CDS1: variants seen among roughly 807,000 people sequenced by gnomAD.
The protein encoded by CDS1 is phosphatidate cytidylyltransferase 1.
CDS1 carries 41 observed loss-of-function variants against 62.1 expected under a neutral mutation model. The observed-to-expected ratio is 0.66, with a 90% CI of 0.51 to 0.86. The LOEUF is 0.86. CDS1 is among the 40% of genes least tolerant of loss of function. The pLI is 0.00. For missense variants in CDS1, 470 were observed against 550.1 expected, an observed-to-expected ratio of 0.85 and a Z score of 1.46; for synonymous variants, 185 against 192.6, an observed-to-expected ratio of 0.96 and a Z score of 0.32.
chr4:84,645,657 A>T (rs1171780553), intron 12 of CDS1, among the ~76,000 whole-genome samples: 1 of 152,154 alleles, frequency 6.6e-6, no homozygotes, highest in East Asian at 1.9e-4. Context: ...TTAAAAAGGG[A>T]GATAACGAAA....
At position 84,592,737 on chromosome 4, in the gene CDS1, G is replaced by A. The variant is rs144071570; in HGVS notation, c.117+9219G>A. Among the ~76,000 whole-genome samples, 1,086 of 152,298 alleles carry A rather than the reference G, an allele frequency of 7.1e-3. 15 individuals carry two copies. The highest frequency in any genetic ancestry group is 0.024 in the African/African-American group (977 of 41,558). On this transcript the variant is annotated intron_variant, in intron 1 of 12. Coordinates refer to ENST00000295887, the MANE Select transcript of CDS1 (RefSeq NM_001263.4). ...ATAGCTGCTTTTTGCAAACAACGCA[G>A]CTAAGAAAGCAGTGTTGCTTTTCTG... is the stretch of plus-strand genomic sequence containing the variant.
rs1722997229 is a variant in CDS1, at chr4:84,603,447, G to A, written c.118-796G>A. Among the ~76,000 whole-genome samples the A allele has an allele frequency of 3.3e-5, 5 of 152,174 alleles. No individual in the cohort carries two copies. The South Asian group carries it at 1.0e-3, about 32-fold the overall frequency. ...AAAGGGTAGGGCCTGAGGCGGGAGA[G>A]GTTGTAGAAGAGGAAAGAACATGGC... On this transcript the variant is annotated intron_variant, in intron 1 of 12. Transcript: ENST00000295887.
chr4:84,642,611 C>T (rs1412165474), intron 10 of CDS1, among the ~76,000 whole-genome samples: 1 of 151,808 alleles, frequency 6.6e-6, no homozygotes, highest in African/African-American at 2.4e-5. Flanking sequence ...CCAACTTTTC[C>T]CTTATTTTAT....
intron 10 of CDS1, among the ~76,000 whole-genome samples, chr4:84,641,590 G>A (rs746223148): frequency 7.9e-5 from 12 of 152,154 alleles, no homozygotes; most frequent in Non-Finnish European, 1.5e-4. Flanking sequence ...CCAGTTTACC[G>A]AGTCCTTGAT....
At chr4:84,619,137 A>G (rs2148648083) in intron 4 of CDS1, among the ~76,000 whole-genome samples, 1 of 151,778 alleles carries the variant, frequency 6.6e-6, no homozygotes, top group Non-Finnish European at 1.5e-5. Flanking sequence ...TATTTTCTAC[A>G]TTGTTTCCTA....
intron 2 of CDS1, 113 bp downstream of exon 2, chr4:84,604,483 G>A (rs1723032337): frequency 2.2e-6 from 2 of 912,816 alleles, no homozygotes; most frequent in Non-Finnish European, 1.7e-6. Flanking sequence ...GGTATTAGGT[G>A]GTCAAAAAGG....
At chr4:84,618,406 T>C (rs536911691) in intron 4 of CDS1, among the ~76,000 whole-genome samples, 3 of 152,284 alleles carry the variant, frequency 2.0e-5, no homozygotes, top group African/African-American at 7.2e-5. Flanking sequence ...TGGAGAATAA[T>C]TAAATGTAAA....
intron 3 of CDS1, among the ~76,000 whole-genome samples, chr4:84,613,085 GATATAT>G (rs145991468): frequency 6.7e-6 from 1 of 148,172 alleles, no homozygotes; most frequent in Admixed American, 6.7e-5. Flanking sequence ...TACATGCATA[GATATAT>G]ATATATATAT....
intron 9 of CDS1, among the ~76,000 whole-genome samples, chr4:84,639,870 G>A (rs1724324548): frequency 6.6e-6 from 1 of 151,852 alleles, no homozygotes; most frequent in Non-Finnish European, 1.5e-5. Flanking sequence ...TGTTTTTGTG[G>A]TAGAATATTG....
intron 1 of CDS1, among the ~76,000 whole-genome samples, chr4:84,591,011 A>T (rs1379535963): frequency 6.6e-6 from 1 of 152,202 alleles, no homozygotes; most frequent in African/African-American, 2.4e-5. Context: ...TGATAATTTA[A>T]TGAGACTCAT....
chr4:84,639,041 C>A, intron 9 of CDS1, 49 bp downstream of exon 9: 4 of 846,984 alleles, frequency 4.7e-6, no homozygotes, highest in Non-Finnish European at 7.2e-6. Flanking sequence ...AAATATGATA[C>A]CAAGCTTACT....
intron 5 of CDS1, among the ~76,000 whole-genome samples, chr4:84,620,121 C>T (rs1417685164): frequency 2.0e-5 from 3 of 150,016 alleles, no homozygotes; most frequent in Non-Finnish European, 3.0e-5. Context: ...AAATTATTAA[C>T]CAAATTTAAT....
intron 6 of CDS1, among the ~76,000 whole-genome samples, chr4:84,632,981 G>A (rs1042528328): frequency 2.0e-5 from 3 of 152,052 alleles, no homozygotes; most frequent in East Asian, 3.9e-4. Flanking sequence ...AAAATTAACC[G>A]GGCGTGGTGG....
intron 1 of CDS1, among the ~76,000 whole-genome samples, chr4:84,601,895 C>T (rs796259875): frequency 9.9e-5 from 15 of 151,952 alleles, no homozygotes; most frequent in Non-Finnish European, 1.8e-4. Context: ...CCTGGGTGGC[C>T]GAGTGAGACT....
At chr4:84,586,140 A>C (rs1206812310) in intron 1 of CDS1, among the ~76,000 whole-genome samples, 7 of 152,160 alleles carry the variant, frequency 4.6e-5, no homozygotes. Flanking sequence ...TCCTGAGAGC[A>C]AAAGGAGGAG....
intron 1 of CDS1, 86 bp downstream of exon 1, chr4:84,583,604 T>A: frequency 1.3e-6 from 1 of 746,768 alleles, no homozygotes; most frequent in Non-Finnish European, 2.1e-6. Context: ...GTGGGGCCCG[T>A]CCAGCGTCAG....
Position 84,649,142 on chromosome 4 carries a change from T to A in CDS1, c.*456T>A, listed in dbSNP as rs1442235002. 6.6e-6 allele frequency: 1 copy of A among 151,976 alleles called. No individual in the cohort carries two copies. The highest frequency in any genetic ancestry group is 1.5e-5 in the Non-Finnish European group (1 of 68,338). The allele number at this position is 151,976 out of a possible 1,614,324, so 9.4% of individuals were successfully genotyped here. A position where few individuals can be genotyped will look rare whatever the true frequency, so the allele number is the denominator to read the frequency against. ...AGGAAGTCAGTTCTCCTGCACTTCCTCCTCATGTAGTCTGGAGTACTTTCT... is the reference window on the plus strand; with the variant it reads ...AGGAAGTCAGTTCTCCTGCACTTCCACCTCATGTAGTCTGGAGTACTTTCT... On this transcript the variant is annotated 3_prime_UTR_variant, in exon 13 of 13. Coordinates refer to ENST00000295887, the MANE Select transcript of CDS1 (RefSeq NM_001263.4).
At chr4:84,640,803 T>C (rs1396027127) in intron 9 of CDS1, 35 bp from the exon 10 acceptor site, 2 of 1,471,300 alleles carry the variant, frequency 1.4e-6, no homozygotes, top group South Asian at 1.5e-5. Context: ...TTTTGCTTTG[T>C]TTTTTGTTTT....
At chr4:84,600,276 A>G (rs1396319504) in intron 1 of CDS1, among the ~76,000 whole-genome samples, 1 of 152,080 alleles carries the variant, frequency 6.6e-6, no homozygotes, top group African/African-American at 2.4e-5. Flanking sequence ...CCTTTGTTAG[A>G]TATGTGATTT....
Sources: allele counts gnomAD v4.1 joint callset (sites outside exome capture counted in the v4.1 genomes callset), GRCh38; gene constraint gnomAD v4.1.1; transcripts MANE v1.5; gene names NCBI Gene and HGNC (gene_info 2026-07-23, HGNC 2026-07-21).